S100PBP: variants seen among roughly 807,000 people sequenced by gnomAD.
S100PBP encodes the protein S100P binding protein, also known as S100P-binding protein.
In S100PBP, 15 loss-of-function variants were observed where a neutral mutation model predicts 39.9. The ratio of observed to expected loss-of-function variants is 0.38; its 90% CI spans 0.25 to 0.58. The LOEUF is 0.58. S100PBP is among the 20% of genes least tolerant of loss of function. The pLI is 0.70. For synonymous variants in S100PBP, 178 were observed against 180.3 expected, an observed-to-expected ratio of 0.99 and a Z score of 0.10; for missense variants, 504 against 487.3, an observed-to-expected ratio of 1.03 and a Z score of -0.32.
At chr1:32,846,911 G>A (rs1477537715) in intron 5 of S100PBP, 2 of 152,096 alleles carry the variant, frequency 1.3e-5, no homozygotes, top group African/African-American at 4.8e-5. Flanking sequence ...CTCCCTAGTA[G>A]CTAGGATTAC....
intron 1 of S100PBP, chr1:32,818,788 ATGT>A (rs1447727613): frequency 6.6e-5 from 10 of 152,162 alleles, no homozygotes; most frequent in African/African-American, 2.4e-4. Context: ...TTTTTTGTAA[ATGT>A]TGTGCCTATT....
rs1233337400 is a variant in S100PBP at position 32,858,493 on chromosome 1, A to G, written c.*2455A>G. The G allele has an allele frequency of 6.6e-6, 1 of 152,608 alleles. No individual in the cohort carries two copies. Among genetic ancestry groups the G allele is most frequent in the East Asian group, 1.9e-4 (1 of 5,204 alleles). 9.5% of individuals were successfully genotyped at this position (152,608 alleles called of 1,614,324 possible). Reference sequence around the variant, plus strand: ...GTTCGCCTTAAAGATGGTACTGGGTAGAATCTGGAGTTTTCATCTCTTTTC... The same window carrying G: ...GTTCGCCTTAAAGATGGTACTGGGTGGAATCTGGAGTTTTCATCTCTTTTC... On this transcript the variant is annotated 3_prime_UTR_variant, in exon 7 of 7. Coordinates refer to ENST00000373475, the MANE Select transcript of S100PBP (RefSeq NM_022753.4).
rs1000641413 is a variant in S100PBP, at chr1:32,856,387, G to A, written c.*349G>A. 1.2e-5 allele frequency: 2 copies of A among 160,462 alleles called. No individual in the cohort carries two copies. Among genetic ancestry groups the A allele is most frequent in the African/African-American group, 4.8e-5 (2 of 41,518 alleles). The allele number at this position is 160,462 out of a possible 1,614,324, so 9.9% of individuals were successfully genotyped here. ...AGACCCACCTCTCTGCAGAGGCAAA[G>A]TCTACTTTCTGGTACCTCAAAGAAA... On this transcript the variant is annotated 3_prime_UTR_variant, in exon 7 of 7. Coordinates refer to ENST00000373475, the MANE Select transcript of S100PBP (RefSeq NM_022753.4).
At chr1:32,828,119 GGTT>G (rs781234037) in intron 4 of S100PBP, 38 bp downstream of exon 4, 2 of 1,416,376 alleles carry the variant, frequency 1.4e-6, no homozygotes, top group South Asian at 2.4e-5. Flanking sequence ...GATTTATTTT[GGTT>G]CTCTTCAATT....
intron 5 of S100PBP, among the ~76,000 whole-genome samples, chr1:32,840,219 C>A (rs1640023164): frequency 6.6e-6 from 1 of 152,072 alleles, no homozygotes; most frequent in Non-Finnish European, 1.5e-5. Flanking sequence ...CTCCTGACCT[C>A]AAGTGATCCA....
intron 1 of S100PBP, chr1:32,818,476 G>A (rs986152271): frequency 1.3e-5 from 2 of 152,352 alleles, no homozygotes; most frequent in Admixed American, 1.3e-4. Context: ...TGGTTGAATT[G>A]CCCACGGCCT....
intron 1 of S100PBP, among the ~76,000 whole-genome samples, chr1:32,823,088 C>T (rs77270480): frequency 0.023 from 3,471 of 152,312 alleles, 136 homozygotes; most frequent in African/African-American, 0.077. Context: ...GCTATGTATA[C>T]TCAGTTAAGT....
At chr1:32,843,750 G>T (rs1640225616) in intron 5 of S100PBP, among the ~76,000 whole-genome samples, 1 of 151,922 alleles carries the variant, frequency 6.6e-6, no homozygotes, top group African/African-American at 2.4e-5. Flanking sequence ...ACCGCACATG[G>T]CCTAATTTTT....
intron 2 of S100PBP, 70 bp from the exon 3 acceptor site, chr1:32,826,028 C>A: frequency 9.6e-7 from 1 of 1,045,978 alleles, no homozygotes; most frequent in Non-Finnish European, 1.4e-6. Flanking sequence ...ACATTACCCA[C>A]ATATAGTGGA....
Position 32,826,327 on chromosome 1 carries a change from T to A in S100PBP, c.228T>A (p.Asp76Glu). 1 of 1,614,092 alleles carries A rather than the reference T, an allele frequency of 6.2e-7. No homozygotes were observed. The highest frequency in any genetic ancestry group is 8.5e-7 in the Non-Finnish European group (1 of 1,179,984). Residue 76 changes from aspartate (D) to glutamate (E), a missense_variant, in exon 3 of 7, where the codon GAT becomes GAA. Asp to Glu is a conservative substitution (Grantham distance 45). Transcript: ENST00000373475. ...CATATGAGCAGTCTTCTGGGGAAGATGATGGTGGGCATGTTGAGAAGGGAG... is the reference window on the plus strand; with the variant it reads ...CATATGAGCAGTCTTCTGGGGAAGAAGATGGTGGGCATGTTGAGAAGGGAG... Reference protein sequence around the residue: ...DPSYEQSSGEDDGGHVEKGER... With the variant: ...DPSYEQSSGEEDGGHVEKGER...
At chr1:32,847,359 ACTCAC>A (rs1266123246) in intron 5 of S100PBP, 1 of 152,098 alleles carries the variant, frequency 6.6e-6, no homozygotes, top group African/African-American at 2.4e-5. Context: ...AAGTTTCAAG[ACTCAC>A]CTCAGTTGTT....
chr1:32,837,955 C>T (rs1274078524), intron 5 of S100PBP, among the ~76,000 whole-genome samples: 5 of 152,076 alleles, frequency 3.3e-5, no homozygotes, highest in African/African-American at 4.8e-5. Flanking sequence ...AACATTCATG[C>T]ACAAATCTTT....
Position 32,826,122 on chromosome 1 carries a change from C to T in S100PBP, c.23C>T (p.Ser8Phe). Reference protein sequence around the residue: MMCSRVPSEQSSGTSLLP... With the variant: MMCSRVPFEQSSGTSLLP... ...GAAATGATGTGCTCACGGGTGCCCTCTGAACAGTCTTCTGGTACCTCTCTC... is the reference window on the plus strand; with the variant it reads ...GAAATGATGTGCTCACGGGTGCCCTTTGAACAGTCTTCTGGTACCTCTCTC... The change falls in exon 3 of 7, where the codon TCT (serine) becomes TTT (phenylalanine). Residue 8 changes from serine to phenylalanine, a missense_variant. Transcript: ENST00000373475. 1 of 1,613,228 alleles carries T rather than the reference C, an allele frequency of 6.2e-7. No individual in the cohort carries two copies.
rs534491159 is a variant in S100PBP, at chr1:32,817,708, G to A, written c.-120+19G>A. On this transcript the variant is annotated intron_variant, in intron 1 of 6. Transcript: ENST00000373475. ...TCCGGAGGTGAAGAGCGGGAGGGAC[G>A]AGGGGGTCGGCGTTACCCGGCTTGG... 1.7e-3 allele frequency: 382 copies of A among 220,794 alleles called. No homozygotes were observed. The highest frequency in any genetic ancestry group is 5.4e-3 in the Admixed American group (106 of 19,488). The allele number at this position is 220,794 out of a possible 1,614,324, so 13.7% of individuals were successfully genotyped here.
chr1:32,854,978 TC>T (rs1640765981), intron 6 of S100PBP, among the ~76,000 whole-genome samples: 1 of 152,172 alleles, frequency 6.6e-6, no homozygotes, highest in Non-Finnish European at 1.5e-5. Context: ...TCAATCAATT[TC>T]CTTACCTATA....
chr1:32,817,513 G>A (rs772899682), upstream of S100PBP: 379 of 595,802 alleles, frequency 6.4e-4, 1 homozygote, highest in Non-Finnish European at 1.0e-3. Flanking sequence ...GCGCCTGAGC[G>A]GGGCACAACC....
At position 32,828,572 on chromosome 1, in the gene S100PBP, T is replaced by A. The variant is rs373183701; in HGVS notation, c.920+491T>A. On this transcript the variant is annotated intron_variant, in intron 4 of 6. Coordinates refer to ENST00000373475, the MANE Select transcript of S100PBP (RefSeq NM_022753.4). Reference sequence around the variant, plus strand: ...TTCTCTGGTTGCCAGGAGATGGCAGTATCTTTACATGGTCCTTTTAAATTG... The same window carrying A: ...TTCTCTGGTTGCCAGGAGATGGCAGAATCTTTACATGGTCCTTTTAAATTG... Among the ~76,000 whole-genome samples, 5 of 152,322 alleles carry A rather than the reference T, an allele frequency of 3.3e-5. No individual in the cohort carries two copies. The East Asian group carries it at 9.6e-4, about 29-fold the overall frequency.
chr1:32,816,901 A>C (rs116269609), upstream of S100PBP: 366 of 573,546 alleles, frequency 6.4e-4, 2 homozygotes, highest in Middle Eastern at 2.3e-3. Context: ...ACTAAGCACC[A>C]CGTCTGGCAC....
chr1:32,822,022 T>C (rs1180875381), intron 1 of S100PBP, among the ~76,000 whole-genome samples: 1 of 152,182 alleles, frequency 6.6e-6, no homozygotes. Context: ...GCCAGTCACA[T>C]TGTATGGACC....
Sources: gnomAD v4.1 joint callset for allele counts (sites outside exome capture counted in the v4.1 genomes callset) on GRCh38, gnomAD v4.1.1 for gene constraint, MANE v1.5 for transcripts, NCBI Gene and HGNC (gene_info 2026-07-23, HGNC 2026-07-21) for gene names.